SPRY3: variants seen among roughly 807,000 people sequenced by gnomAD.
SPRY3 encodes the protein protein sprouty homolog 3.
In SPRY3, 15 loss-of-function variants were observed where a neutral mutation model predicts 20.2. The ratio of observed to expected loss-of-function variants is 0.74; its 90% CI spans 0.50 to 1.14. The LOEUF is 1.14. Among genes scored for constraint, SPRY3 ranks in the 50% most tolerant of loss-of-function variants. The pLI is 0.00. For synonymous variants in SPRY3, 143 were observed against 136.5 expected, an observed-to-expected ratio of 1.05 and a Z score of -0.33; for missense variants, 364 against 363.9, an observed-to-expected ratio of 1.00 and a Z score of 0.00.
Position 155,748,697 on chromosome X carries a change from T to C in SPRY3, c.-281-19265T>C, listed in dbSNP as rs770724029. Reference sequence around the variant, plus strand: ...AAGAACAGGGCAATACCTCATGGAATGTCTGACTGCTACATGGAATCAGAA... The same window carrying C: ...AAGAACAGGGCAATACCTCATGGAACGTCTGACTGCTACATGGAATCAGAA... On this transcript the variant is annotated intron_variant, in intron 2 of 3. Coordinates refer to ENST00000675360, the Ensembl canonical transcript of SPRY3. Among the ~76,000 whole-genome samples the C allele has an allele frequency of 9.2e-5, 14 of 151,986 alleles. No individual in the cohort carries two copies. In the South Asian group the frequency reaches 2.3e-3, roughly 25 times the overall value.
At chrX:155,680,915 C>A (rs368231076) in intron 2 of SPRY3, among the ~76,000 whole-genome samples, 6 of 111,569 alleles carry the variant, frequency 5.4e-5, no homozygotes, top group East Asian at 2.8e-4. Flanking sequence ...TTTGGGGATG[C>A]CACTAACTGT....
intron 2 of SPRY3, among the ~76,000 whole-genome samples, chrX:155,751,819 T>TA (rs1475640771): frequency 2.7e-5 from 4 of 150,680 alleles, no homozygotes; most frequent in East Asian, 2.0e-4. Flanking sequence ...GGATGCAATA[T>TA]AAAAAAAGGA....
intron 2 of SPRY3, among the ~76,000 whole-genome samples, chrX:155,696,244 T>TAC (rs1432014912): frequency 3.7e-5 from 4 of 108,179 alleles, no homozygotes; most frequent in African/African-American, 1.3e-4. Context: ...CATATATATA[T>TAC]ACATATATAT....
At chrX:155,780,529 G>T (rs1402367420), downstream of SPRY3, 1 of 166,900 alleles carries the variant, frequency 6.0e-6, no homozygotes, top group Non-Finnish European at 1.5e-5. Flanking sequence ...CAATTATTTA[G>T]TTATTCATAT....
intron 2 of SPRY3, among the ~76,000 whole-genome samples, chrX:155,760,202 C>A (rs1050908502): frequency 6.6e-6 from 1 of 152,132 alleles, no homozygotes; most frequent in African/African-American, 2.4e-5. Context: ...TTATTACTTA[C>A]ATTATCTCAA....
chrX:155,726,981 G>C (rs1166189052), intron 2 of SPRY3, among the ~76,000 whole-genome samples: 1 of 151,812 alleles, frequency 6.6e-6, no homozygotes, highest in East Asian at 1.9e-4. Context: ...TCCATGTTTA[G>C]TGCTTCCTTC....
chrX:155,634,502 C>T (rs1473167434), intron 1 of SPRY3, among the ~76,000 whole-genome samples: 2 of 111,365 alleles, frequency 1.8e-5, no homozygotes, highest in Non-Finnish European at 3.8e-5. Flanking sequence ...TCACCATATA[C>T]CAAATCACCC....
chrX:155,763,798 C>T (rs190684763), intron 2 of SPRY3, among the ~76,000 whole-genome samples: 126 of 152,252 alleles, frequency 8.3e-4, no homozygotes, highest in African/African-American at 2.8e-3. Context: ...TTTGTAACTC[C>T]TTCATCACTT....
intron 1 of SPRY3, among the ~76,000 whole-genome samples, chrX:155,652,230 A>C (rs1478570488): frequency 8.9e-6 from 1 of 112,105 alleles, no homozygotes; most frequent in Non-Finnish European, 1.9e-5. Context: ...AAACCATATC[A>C]GTGTTATAAA....
In SPRY3 at chrX:155,764,250, C is replaced by G. The variant is rs553599421; in HGVS notation, c.-281-3712C>G. On this transcript the variant is annotated intron_variant, in intron 2 of 3. Coordinates refer to ENST00000675360, the Ensembl canonical transcript of SPRY3. Reference sequence around the variant, plus strand: ...ACTAGCTGTATGATCTTGGACAACTCAATGAATCTGTCAAAATATGTTTTC... The same window carrying G: ...ACTAGCTGTATGATCTTGGACAACTGAATGAATCTGTCAAAATATGTTTTC... 7.2e-5 allele frequency among the ~76,000 whole-genome samples: 11 copies of G among 152,272 alleles called. No homozygotes were observed. The East Asian group carries it at 1.9e-3, about 27-fold the overall frequency.
chrX:155,765,348 C>G (rs928445952), intron 2 of SPRY3, among the ~76,000 whole-genome samples: 3 of 152,098 alleles, frequency 2.0e-5, no homozygotes. Flanking sequence ...AACTGTGTAA[C>G]CTTGGACAAG....
At chrX:155,731,675 C>G (rs551947794) in intron 2 of SPRY3, among the ~76,000 whole-genome samples, 1 of 151,908 alleles carries the variant, frequency 6.6e-6, no homozygotes, top group African/African-American at 2.4e-5. Context: ...ATCAAGTTAA[C>G]AAGCTTCTGC....
At chrX:155,767,738 G>GAGAGGAAGAGGAGGA (rs1556229466) in intron 2 of SPRY3, 1 of 57,268 alleles carries the variant, frequency 1.7e-5, no homozygotes, top group African/African-American at 6.8e-5. Context: ...GAGGAGGAGA[G>GAGAGGAAGAGGAGGA]AGAGGAGGAG....
At chrX:155,773,680 G>T in intron 3 of SPRY3, 86 bp from the exon 3 acceptor site, 3 of 626,454 alleles carry the variant, frequency 4.8e-6, no homozygotes, top group Middle Eastern at 4.4e-4. Flanking sequence ...GGTAGTGGTG[G>T]TGATAGGGCC....
chrX:155,714,076 A>G (rs1363616105), intron 2 of SPRY3, among the ~76,000 whole-genome samples: 1 of 152,134 alleles, frequency 6.6e-6, no homozygotes, highest in Non-Finnish European at 1.5e-5. Flanking sequence ...TGTTAAATTT[A>G]TCTGATAGAA....
chrX:155,694,302 C>T (rs965806437), intron 2 of SPRY3, among the ~76,000 whole-genome samples: 1 of 110,868 alleles, frequency 9.0e-6, no homozygotes. Flanking sequence ...TGTGTGTGTA[C>T]GTGTTTGTGA....
chrX:155,724,676 G>A (rs1394407592), intron 2 of SPRY3, among the ~76,000 whole-genome samples: 1 of 152,212 alleles, frequency 6.6e-6, no homozygotes, highest in Non-Finnish European at 1.5e-5. Context: ...TTTGTATCCT[G>A]AGACTTTGCC....
In SPRY3 at chrX:155,697,500, T is replaced by TACACAC. The variant is rs35884004; in HGVS notation, c.-282+40493_-282+40498dup. The stretch of plus-strand genomic sequence containing the variant: ...TTAGCCAATTTTTTTATTATACACA[T>TACACAC]ACACACACACACACACACACACATA... On this transcript the variant is annotated intron_variant, in intron 2 of 3. Transcript: ENST00000675360. 6.9e-3 allele frequency among the ~76,000 whole-genome samples: 666 copies of TACACAC among 96,653 alleles called. 5 individuals are homozygous for TACACAC. Among genetic ancestry groups the TACACAC allele is most frequent in the African/African-American group, 0.025 (620 of 24,904 alleles). 83.9% of individuals were successfully genotyped at this position (96,653 alleles called of 115,157 possible).
intron 1 of SPRY3, among the ~76,000 whole-genome samples, chrX:155,625,994 TGTGA>T (rs2067886990): frequency 9.0e-6 from 1 of 111,704 alleles, no homozygotes; most frequent in Non-Finnish European, 1.9e-5. Flanking sequence ...TTTTGGCTTT[TGTGA>T]GTAATTCCAC....
Sources: gnomAD v4.1 joint callset for allele counts (sites outside exome capture counted in the v4.1 genomes callset) on GRCh38, gnomAD v4.1.1 for gene constraint, MANE v1.5 for transcripts, NCBI Gene and HGNC (gene_info 2026-07-23, HGNC 2026-07-21) for gene names.